Variants in NUDT16 observed in about 807,000 individuals in gnomAD.
The protein encoded by NUDT16 is nudix hydrolase 16, also known as U8 snoRNA-decapping enzyme.
Under a neutral mutation model 11.7 loss-of-function variants are expected in NUDT16, and 12 were observed. The ratio of observed to expected loss-of-function variants is 1.03; its 90% CI spans 0.66 to 1.67. NUDT16 has a LOEUF of 1.67. Among genes scored for constraint, NUDT16 ranks in the 40% most tolerant of loss-of-function variants. The pLI, the probability that NUDT16 is intolerant of heterozygous loss-of-function variation, is 0.00. For synonymous variants in NUDT16, 129 were observed against 122.6 expected, an observed-to-expected ratio of 1.05 and a Z score of -0.35; for missense variants, 303 against 268.9, an observed-to-expected ratio of 1.13 and a Z score of -0.89.
chr3:131,382,150 G>C lies in NUDT16; in HGVS notation c.243G>C (p.Leu81=). The C allele has an allele frequency of 6.2e-7, 1 of 1,611,934 alleles. No individual in the cohort carries two copies. The change falls in exon 2 of 3, where the codon CTG becomes CTC. Residue 81 remains leucine (L), a synonymous_variant. Coordinates refer to ENST00000521288, the MANE Select transcript of NUDT16 (RefSeq NM_152395.3). The stretch of plus-strand genomic sequence containing the variant: ...TGAACCGCGAGCTGCGCGAGGAGCT[G>C]GGCGAAGCGGCTGCCGCTTTCCGCG... ...DGLNRELREE[L]GEAAAAFRVE...
Position 131,387,288 on chromosome 3 carries a change from G to C in NUDT16, c.*3947G>C, listed in dbSNP as rs2097460494. The C allele has an allele frequency of 6.6e-6, 1 of 152,252 alleles. No individual in the cohort carries two copies. The highest frequency in any genetic ancestry group is 2.4e-5 in the African/African-American group (1 of 41,438). 9.4% of individuals were successfully genotyped at this position (152,252 alleles called of 1,614,324 possible). A position where few individuals can be genotyped will look rare whatever the true frequency, so the allele number is the denominator to read the frequency against. On this transcript the variant is annotated 3_prime_UTR_variant, in exon 3 of 3. Coordinates refer to ENST00000521288, the MANE Select transcript of NUDT16 (RefSeq NM_152395.3). The stretch of plus-strand genomic sequence containing the variant: ...GCTTGGGCAAATGAGGCTCCCTTTA[G>C]GGGTAGAGGTACTCTACAGGGGCTA...
rs2097459702 is a variant in NUDT16 at position 131,385,985 on chromosome 3, C to G, written c.*2644C>G. Reference sequence around the variant, plus strand: ...CTAATACCACTTGGAAGGTTCCGCTCTGTCTCACTCTGCTTGAGTATCCCA... The same window carrying G: ...CTAATACCACTTGGAAGGTTCCGCTGTGTCTCACTCTGCTTGAGTATCCCA... On this transcript the variant is annotated 3_prime_UTR_variant, in exon 3 of 3. Coordinates refer to ENST00000521288, the MANE Select transcript of NUDT16 (RefSeq NM_152395.3). The G allele has an allele frequency of 6.6e-6, 1 of 152,196 alleles. No homozygotes were observed. Among genetic ancestry groups the G allele is most frequent in the African/African-American group, 2.4e-5 (1 of 41,438 alleles). 9.4% of individuals were successfully genotyped at this position (152,196 alleles called of 1,614,324 possible). A position where few individuals can be genotyped will look rare whatever the true frequency, so the allele number is the denominator to read the frequency against.
chr3:131,381,878 C>G lies in NUDT16; in HGVS notation c.74C>G (p.Ala25Gly). The change falls in exon 1 of 3, where the codon GCT becomes GGT. Residue 25 changes from alanine to glycine, a missense_variant. Transcript: ENST00000521288. ...TCGGGCTGGCGTCATGCGTGCCACG[C>G]TCTCCTCTACGCGCCGGACCCTGGG... is the stretch of plus-strand genomic sequence containing the variant. Reference protein sequence around the residue: ...LGSGWRHACHALLYAPDPGML... With the variant: ...LGSGWRHACHGLLYAPDPGML... 6.2e-7 allele frequency: 1 copy of G among 1,608,450 alleles called. No individual in the cohort carries two copies. Among genetic ancestry groups the G allele is most frequent in the Non-Finnish European group, 8.5e-7 (1 of 1,179,594 alleles).
At position 131,381,857 on chromosome 3, in the gene NUDT16, G is replaced by A; in HGVS notation, c.53G>A (p.Gly18Asp). Residue 18 changes from glycine (G) to aspartate (D), a missense_variant, in exon 1 of 3, where the codon GGC becomes GAC. Physicochemically the swap from Gly to Asp is moderately conservative, Grantham distance 94. Transcript: ENST00000521288. ...ELGEALALGS[G>D]WRHACHALLY... ...GGCGAGGCCCTGGCGCTGGGGTCGG[G>A]CTGGCGTCATGCGTGCCACGCTCTC... is the stretch of plus-strand genomic sequence containing the variant. 6.2e-7 allele frequency: 1 copy of A among 1,602,100 alleles called. No homozygotes were observed.
chr3:131,381,995 G>C (rs775402238), intron 1 of NUDT16, 51 bp from the exon 2 acceptor site: 2 of 1,591,742 alleles, frequency 1.3e-6, no homozygotes, highest in Non-Finnish European at 1.7e-6. Flanking sequence ...CACCCTCTCT[G>C]GTGGTCTCCT....
At position 131,383,568 on chromosome 3, in the gene NUDT16, G is replaced by A; in HGVS notation, c.*227G>A. 4.6e-6 allele frequency: 4 copies of A among 877,688 alleles called. No homozygotes were observed. The highest frequency in any genetic ancestry group is 6.8e-6 in the Non-Finnish European group (4 of 585,570). 54.4% of individuals were successfully genotyped at this position (877,688 alleles called of 1,614,324 possible). ...CCAGGCACCCTGGCAGGTTCTCAGA[G>A]CCTGCCTCCTCCCTGTTTATATGCG... On this transcript the variant is annotated 3_prime_UTR_variant, in exon 3 of 3. Transcript: ENST00000521288. This position sits in a 1 kb window ranked among gnomAD's most constrained non-coding sequence, Gnocchi z 4.4.
At chr3:131,382,631 A>G in intron 2 of NUDT16, 1 of 1,467,824 alleles carries the variant, frequency 6.8e-7, no homozygotes, top group Non-Finnish European at 9.0e-7. Flanking sequence ...CCTAGGTTTT[A>G]TTCTTGGGGT....
rs1333073971 is a variant in NUDT16, at chr3:131,385,756, AAATGGACATTCCAGTGGCCCCT to A, written c.*2416_*2437del. 5 of 152,254 alleles carry A rather than the reference AAATGGACATTCCAGTGGCCCCT, an allele frequency of 3.3e-5. No individual in the cohort carries two copies. Among genetic ancestry groups the A allele is most frequent in the Non-Finnish European group, 5.9e-5 (4 of 68,080 alleles). The allele number at this position is 152,254 out of a possible 1,614,324, so 9.4% of individuals were successfully genotyped here. The stretch of plus-strand genomic sequence containing the variant: ...AACCTCAGTATAGGCAGGCTGCAGG[AAATGGACATTCCAGTGGCCCCT>A]GGGGTTCCAGCCTGTAGCAGCTTCA... On this transcript the variant is annotated 3_prime_UTR_variant, in exon 3 of 3. Coordinates refer to ENST00000521288, the MANE Select transcript of NUDT16 (RefSeq NM_152395.3).
In NUDT16 at chr3:131,387,457, C is replaced by G. The variant is rs1368016473; in HGVS notation, c.*4116C>G. 1 of 152,256 alleles carries G rather than the reference C, an allele frequency of 6.6e-6. No homozygotes were observed. The highest frequency in any genetic ancestry group is 1.5e-5 in the Non-Finnish European group (1 of 68,064). The allele number at this position is 152,256 out of a possible 1,614,324, so 9.4% of individuals were successfully genotyped here. On this transcript the variant is annotated 3_prime_UTR_variant, in exon 3 of 3. Transcript: ENST00000521288. ...TAAAACAAGAAAAGGAAGCTCCTCA[C>G]CAACAGCTCCCAGATGGAGGGAGTT...
rs1260487972 is a variant in NUDT16 at position 131,381,818 on chromosome 3, G to T, written c.14G>T (p.Arg5Leu). MAGA[R>L]RLELGEALAL... ...CAGTGTCCGGCCATGGCCGGAGCCC[G>T]CAGGCTGGAGCTAGGCGAGGCCCTG... Residue 5 changes from arginine to leucine, a missense_variant, in exon 1 of 3, where the codon CGC (arginine) becomes CTC (leucine). Transcript: ENST00000521288. 1 of 1,566,778 alleles carries T rather than the reference G, an allele frequency of 6.4e-7. No individual in the cohort carries two copies. The highest frequency in any genetic ancestry group is 2.3e-5 in the East Asian group (1 of 42,680).
Position 131,381,810 on chromosome 3 carries a change from C to G in NUDT16, c.6C>G (p.Ala2=), listed in dbSNP as rs750610099. The part of the protein sequence containing the change: M[A]GARRLELGEA... Reference sequence around the variant, plus strand: ...CAGAGGAGCAGTGTCCGGCCATGGCCGGAGCCCGCAGGCTGGAGCTAGGCG... The same window carrying G: ...CAGAGGAGCAGTGTCCGGCCATGGCGGGAGCCCGCAGGCTGGAGCTAGGCG... The change falls in exon 1 of 3, where the codon GCC becomes GCG. Residue 2 remains alanine, a synonymous_variant. Transcript: ENST00000521288. The G allele has an allele frequency of 2.6e-6, 4 of 1,557,448 alleles. No individual in the cohort carries two copies. Among genetic ancestry groups the G allele is most frequent in the Non-Finnish European group, 3.5e-6 (4 of 1,158,266 alleles).
At position 131,387,726 on chromosome 3, in the gene NUDT16, A is replaced by C. The variant is rs1004654942; in HGVS notation, c.*4385A>C. The C allele has an allele frequency of 1.3e-5, 2 of 152,370 alleles. No individual in the cohort carries two copies. The highest frequency in any genetic ancestry group is 1.3e-4 in the Admixed American group (2 of 15,288). The allele number at this position is 152,370 out of a possible 1,614,324, so 9.4% of individuals were successfully genotyped here. A position where few individuals can be genotyped will look rare whatever the true frequency, so the allele number is the denominator to read the frequency against. ...CAGTCCCAGTCCTCCCACCTTCTTC[A>C]GGTCTCTAGAAGACAGAACTGATGG... On this transcript the variant is annotated 3_prime_UTR_variant, in exon 3 of 3. Transcript: ENST00000521288.
At position 131,388,400 on chromosome 3, in the gene NUDT16, A is replaced by T. The variant is rs1346993832; in HGVS notation, c.*5059A>T. The T allele has an allele frequency of 2.0e-5, 3 of 152,230 alleles. No homozygotes were observed. In the East Asian group the frequency reaches 5.8e-4, roughly 29 times the overall value. 9.4% of individuals were successfully genotyped at this position (152,230 alleles called of 1,614,324 possible). On this transcript the variant is annotated 3_prime_UTR_variant, in exon 3 of 3. Coordinates refer to ENST00000521288, the MANE Select transcript of NUDT16 (RefSeq NM_152395.3). ...CCTAAACTCAAGATACTACACCAGAAGTGGGCAGTACTCACTATGTTCAGG... is the reference window on the plus strand; with the variant it reads ...CCTAAACTCAAGATACTACACCAGATGTGGGCAGTACTCACTATGTTCAGG...
chr3:131,387,097 T>C lies in NUDT16; in HGVS notation c.*3756T>C, dbSNP rs979866050. ...AAAAGATGCTGGACCTTGGCACTTA[T>C]CAGAGAAGTATAGAAGAGCCAGGTA... On this transcript the variant is annotated 3_prime_UTR_variant, in exon 3 of 3. Coordinates refer to ENST00000521288, the MANE Select transcript of NUDT16 (RefSeq NM_152395.3). 1.3e-5 allele frequency: 2 copies of C among 152,218 alleles called. No individual in the cohort carries two copies. The highest frequency in any genetic ancestry group is 4.8e-5 in the African/African-American group (2 of 41,446). The allele number at this position is 152,218 out of a possible 1,614,324, so 9.4% of individuals were successfully genotyped here.
In NUDT16 at chr3:131,387,750, G is replaced by A. The variant is rs1321689849; in HGVS notation, c.*4409G>A. ...CAGGTCTCTAGAAGACAGAACTGAT[G>A]GGTTTACAACATCCTATTATCCAGC... is the stretch of plus-strand genomic sequence containing the variant. On this transcript the variant is annotated 3_prime_UTR_variant, in exon 3 of 3. Transcript: ENST00000521288. 1.3e-5 allele frequency: 2 copies of A among 152,322 alleles called. No individual in the cohort carries two copies. Among genetic ancestry groups the A allele is most frequent in the African/African-American group, 2.4e-5 (1 of 41,454 alleles). The allele number at this position is 152,322 out of a possible 1,614,324, so 9.4% of individuals were successfully genotyped here.
chr3:131,387,124 G>C lies in NUDT16; in HGVS notation c.*3783G>C, dbSNP rs564555095. ...AGAGAAGTATAGAAGAGCCAGGTAG[G>C]GGATTTTATTTACAACATGTTCAAT... On this transcript the variant is annotated 3_prime_UTR_variant, in exon 3 of 3. Coordinates refer to ENST00000521288, the MANE Select transcript of NUDT16 (RefSeq NM_152395.3). The C allele has an allele frequency of 1.3e-5, 2 of 152,310 alleles. No homozygotes were observed. The highest frequency in any genetic ancestry group is 2.1e-4 in the South Asian group (1 of 4,822). 9.4% of individuals were successfully genotyped at this position (152,310 alleles called of 1,614,324 possible).
At position 131,383,854 on chromosome 3, in the gene NUDT16, T is replaced by A. The variant is rs1464108229; in HGVS notation, c.*513T>A. The A allele has an allele frequency of 1.0e-5, 2 of 196,582 alleles. No individual in the cohort carries two copies. Among genetic ancestry groups the A allele is most frequent in the African/African-American group, 4.7e-5 (2 of 42,568 alleles). The allele number at this position is 196,582 out of a possible 1,614,324, so 12.2% of individuals were successfully genotyped here. A position where few individuals can be genotyped will look rare whatever the true frequency, so the allele number is the denominator to read the frequency against. ...CTGTGCTTTCTGAAAATAGACTTGC[T>A]CTTGTCTTGAGTGGTGACCAAAGCA... On this transcript the variant is annotated 3_prime_UTR_variant, in exon 3 of 3. Transcript: ENST00000521288. The surrounding 1 kb of genome is among the most constrained non-coding windows in gnomAD (Gnocchi z 4.4).
chr3:131,382,455 A>G, intron 2 of NUDT16, 140 bp downstream of exon 2: 1 of 1,537,590 alleles, frequency 6.5e-7, no homozygotes, highest in Non-Finnish European at 8.7e-7. Context: ...TGGAGTTGGG[A>G]TCGTGATCAT....
Position 131,383,318 on chromosome 3 carries a change from CT to C in NUDT16, c.567del (p.Lys190ArgfsTer17), listed in dbSNP as rs2097457413. On this transcript the variant is annotated frameshift_variant, in exon 3 of 3. Coordinates refer to ENST00000521288, the MANE Select transcript of NUDT16 (RefSeq NM_152395.3). LOFTEE classifies it high-confidence loss of function. The surrounding 1 kb of genome is among the most constrained non-coding windows in gnomAD (Gnocchi z 4.4). ...GLLQSGSISG[L>X]KIPAHH Reference sequence around the variant, plus strand: ...GCTGCAGTCTGGCTCTATTTCAGGCCTTAAGATTCCAGCTCATCACTAGAGG... The same window carrying C: ...GCTGCAGTCTGGCTCTATTTCAGGCCTAAGATTCCAGCTCATCACTAGAGG... 6.2e-7 allele frequency: 1 copy of C among 1,614,154 alleles called. No homozygotes were observed. The highest frequency in any genetic ancestry group is 1.7e-5 in the Admixed American group (1 of 60,022).
Sources: gnomAD v4.1 joint callset for allele counts on GRCh38, gnomAD v4.1.1 for gene constraint, Gnocchi (gnomAD v3.1) non-coding constraint, MANE v1.5 for transcripts, NCBI Gene and HGNC (gene_info 2026-07-23, HGNC 2026-07-21) for gene names.